The following ARID4B variants were observed in gnomAD, a reference collection of about 807,000 sequenced individuals.
The protein encoded by ARID4B is AT-rich interaction domain 4B, also known as AT-rich interactive domain-containing protein 4B.
A neutral mutation model predicts 147.5 loss-of-function variants in ARID4B; 26 were observed. That is an observed-to-expected ratio of 0.18 (90% CI 0.13 to 0.24). The LOEUF (loss-of-function observed/expected upper bound fraction) is 0.24. Among genes scored for constraint, ARID4B ranks in the 10% least tolerant of loss-of-function variants. ARID4B has a pLI of 1.00. For missense variants in ARID4B, 1,179 were observed against 1,511.5 expected, an observed-to-expected ratio of 0.78 and a Z score of 3.65; for synonymous variants, 512 against 507.9, an observed-to-expected ratio of 1.01 and a Z score of -0.11.
intron 6 of ARID4B, among the ~76,000 whole-genome samples, chr1:235,250,909 G>C (rs370435275): frequency 2.0e-5 from 3 of 152,008 alleles, no homozygotes; most frequent in African/African-American, 7.2e-5. Context: ...TATTTCTCTA[G>C]ACTAAAAAAA....
intron 2 of ARID4B, among the ~76,000 whole-genome samples, chr1:235,294,439 GT>G (rs1672549923): frequency 1.8e-5 from 2 of 114,252 alleles, no homozygotes; most frequent in African/African-American, 6.6e-5. Flanking sequence ...GAACCCAGGG[GT>G]TCAAGCAATT....
intron 2 of ARID4B, among the ~76,000 whole-genome samples, chr1:235,309,588 G>A (rs1232481815): frequency 4.6e-5 from 7 of 150,988 alleles, no homozygotes; most frequent in African/African-American, 1.5e-4. Flanking sequence ...CGCCCCGTCC[G>A]GGAGGTGAGG....
At position 235,327,809 on chromosome 1, in the gene ARID4B, C is replaced by T. The variant is rs1209784475; in HGVS notation, c.-90G>A. 1 of 152,714 alleles carries T rather than the reference C, an allele frequency of 6.5e-6. No individual in the cohort carries two copies. The highest frequency in any genetic ancestry group is 2.4e-5 in the African/African-American group (1 of 41,466). The allele number at this position is 152,714 out of a possible 1,614,324, so 9.5% of individuals were successfully genotyped here. A position where few individuals can be genotyped will look rare whatever the true frequency, so the allele number is the denominator to read the frequency against. ...GATCTGACCCTGGCACGTCCAGAGT[C>T]CCCTCTCTCCTTCTCCCCCCCAAAA... On this transcript the variant is annotated 5_prime_UTR_variant, in exon 1 of 24. Coordinates refer to ENST00000264183, the MANE Select transcript of ARID4B (RefSeq NM_016374.6).
At chr1:235,256,673 T>G (rs1409390887) in intron 4 of ARID4B, among the ~76,000 whole-genome samples, 1 of 152,216 alleles carries the variant, frequency 6.6e-6, no homozygotes, top group African/African-American at 2.4e-5. Context: ...GAGCTCCGAT[T>G]TTTTTGGTTT....
intron 2 of ARID4B, among the ~76,000 whole-genome samples, chr1:235,284,885 G>A (rs1254175548): frequency 6.7e-6 from 1 of 150,160 alleles, no homozygotes; most frequent in Non-Finnish European, 1.5e-5. Context: ...TCCCTCATGA[G>A]CAAAAATGCA....
At chr1:235,297,960 T>A (rs2103234739) in intron 2 of ARID4B, among the ~76,000 whole-genome samples, 1 of 152,228 alleles carries the variant, frequency 6.6e-6, no homozygotes, top group African/African-American at 2.4e-5. Context: ...GCAAAGACAT[T>A]TTAGAGACAG....
chr1:235,204,062 ATC>A (rs1666134915), intron 17 of ARID4B, among the ~76,000 whole-genome samples: 1 of 152,194 alleles, frequency 6.6e-6, no homozygotes, highest in African/African-American at 2.4e-5. Context: ...AGTGGCTCAC[ATC>A]TGTAAGACTA....
At chr1:235,189,936 T>A (rs1664976005) in intron 19 of ARID4B, 1 of 153,788 alleles carries the variant, frequency 6.5e-6, no homozygotes, top group African/African-American at 2.4e-5. Flanking sequence ...GGAGAGGAAA[T>A]CATCAAGAAA....
intron 19 of ARID4B, among the ~76,000 whole-genome samples, chr1:235,183,928 T>G (rs531653693): frequency 6.6e-6 from 1 of 152,024 alleles, no homozygotes; most frequent in East Asian, 1.9e-4. Context: ...GGACTACAGG[T>G]GTGCCACATC....
At chr1:235,239,353 T>C (rs1006168011) in intron 8 of ARID4B, among the ~76,000 whole-genome samples, 1 of 152,194 alleles carries the variant, frequency 6.6e-6, no homozygotes, top group African/African-American at 2.4e-5. Context: ...TATCCAATTA[T>C]ATGCTGTCCA....
intron 7 of ARID4B, among the ~76,000 whole-genome samples, chr1:235,243,107 A>G (rs892296901): frequency 6.6e-6 from 1 of 152,062 alleles, no homozygotes; most frequent in Non-Finnish European, 1.5e-5. Flanking sequence ...GTTTATTGAT[A>G]TATCTCAAGT....
At chr1:235,200,285 C>T (rs780833534) in intron 17 of ARID4B, among the ~76,000 whole-genome samples, 6 of 152,154 alleles carry the variant, frequency 3.9e-5, no homozygotes, top group African/African-American at 1.4e-4. Context: ...ATGGTGAAAC[C>T]GTGTCTCTAC....
At chr1:235,288,739 G>A (rs751122266) in intron 2 of ARID4B, among the ~76,000 whole-genome samples, 1 of 152,138 alleles carries the variant, frequency 6.6e-6, no homozygotes, top group Non-Finnish European at 1.5e-5. Context: ...GTATCAAAAG[G>A]GAGCACAAAG....
Position 235,255,283 on chromosome 1 carries a change from CTCTCTA to C in ARID4B, c.274+371_274+376del, listed in dbSNP as rs1558250807. Among the ~76,000 whole-genome samples, 206 of 91,270 alleles carry C rather than the reference CTCTCTA, an allele frequency of 2.3e-3. 2 individuals are homozygous for C. Among genetic ancestry groups the C allele is most frequent in the African/African-American group, 6.0e-3 (199 of 33,288 alleles). The allele number at this position is 91,270 out of a possible 152,430, so 59.9% of individuals were successfully genotyped here. A position where few individuals can be genotyped will look rare whatever the true frequency, so the allele number is the denominator to read the frequency against. On this transcript the variant is annotated intron_variant, in intron 5 of 23. Coordinates refer to ENST00000264183, the MANE Select transcript of ARID4B (RefSeq NM_016374.6). ...GATAGATATATATCTCTCTCTCTCT[CTCTCTA>C]TATATATATATACACAGTTAAAAGA...
intron 2 of ARID4B, among the ~76,000 whole-genome samples, chr1:235,322,772 T>C (rs1356907266): frequency 6.6e-6 from 1 of 151,300 alleles, no homozygotes; most frequent in African/African-American, 2.4e-5. Context: ...TGTTGTTAAA[T>C]GAATGACTTA....
chr1:235,226,249 G>A (rs944297852), intron 11 of ARID4B, among the ~76,000 whole-genome samples: 1 of 152,180 alleles, frequency 6.6e-6, no homozygotes, highest in African/African-American at 2.4e-5. Context: ...GTATGAATAC[G>A]AGTAAGACAG....
intron 6 of ARID4B, among the ~76,000 whole-genome samples, chr1:235,250,144 G>C (rs575294295): frequency 6.6e-6 from 1 of 151,788 alleles, no homozygotes; most frequent in Non-Finnish European, 1.5e-5. Context: ...AAAATAAAAA[G>C]ATAAACTGAC....
intron 17 of ARID4B, among the ~76,000 whole-genome samples, chr1:235,196,662 G>C (rs1303576384): frequency 1.3e-5 from 2 of 151,880 alleles, no homozygotes; most frequent in Non-Finnish European, 1.5e-5. Flanking sequence ...GACCATCAAC[G>C]CTAACACGGT....
chr1:235,186,856 C>A (rs749413041), intron 19 of ARID4B, among the ~76,000 whole-genome samples: 1 of 151,770 alleles, frequency 6.6e-6, no homozygotes, highest in Admixed American at 6.6e-5. Flanking sequence ...CCACCACATT[C>A]GGCTAATTTT....
Sources: gnomAD v4.1 joint callset for allele counts (sites outside exome capture counted in the v4.1 genomes callset) on GRCh38, gnomAD v4.1.1 for gene constraint, MANE v1.5 for transcripts, NCBI Gene and HGNC (gene_info 2026-07-23, HGNC 2026-07-21) for gene names.